FAM53B: variants seen among roughly 807,000 people sequenced by gnomAD.
FAM53B encodes the protein protein FAM53B.
In FAM53B, 12 loss-of-function variants were observed where a neutral mutation model predicts 32.7. The observed-to-expected ratio is 0.37, with a 90% CI of 0.24 to 0.59. The LOEUF is 0.59. Ranked by LOEUF, FAM53B falls within the 20% of genes least tolerant of loss-of-function variation. The pLI, the probability that FAM53B is intolerant of heterozygous loss-of-function variation, is 0.72. For synonymous variants in FAM53B, 234 were observed against 228.7 expected (o/e 1.02, Z -0.21); for missense variants, 477 against 577.7 (o/e 0.83, Z 1.79).
At chr10:124,662,055 C>A (rs1257977578) in intron 4 of FAM53B, among the ~76,000 whole-genome samples, 1 of 152,232 alleles carries the variant, frequency 6.6e-6, no homozygotes, top group Non-Finnish European at 1.5e-5. Context: ...CTCTAGCCCT[C>A]ACTGGACCAG....
At chr10:124,639,449 C>T (rs780613665) in intron 4 of FAM53B, among the ~76,000 whole-genome samples, 6 of 152,102 alleles carry the variant, frequency 3.9e-5, no homozygotes, top group Non-Finnish European at 7.4e-5. Flanking sequence ...TGGCCTTGGG[C>T]GGGTCATGGT....
chr10:124,687,511 G>A (rs1231378749), intron 3 of FAM53B, among the ~76,000 whole-genome samples: 1 of 152,198 alleles, frequency 6.6e-6, no homozygotes, highest in Non-Finnish European at 1.5e-5. Flanking sequence ...AAAAACAGCA[G>A]TCATCATAAG....
intron 2 of FAM53B, among the ~76,000 whole-genome samples, chr10:124,701,166 C>T (rs1949912868): frequency 6.6e-6 from 1 of 152,246 alleles, no homozygotes; most frequent in African/African-American, 2.4e-5. Context: ...CAGCCTGGGG[C>T]CTGCCAGAGA....
intron 4 of FAM53B, among the ~76,000 whole-genome samples, chr10:124,648,308 C>A (rs930882357): frequency 2.0e-5 from 3 of 152,348 alleles, no homozygotes; most frequent in African/African-American, 7.2e-5. Flanking sequence ...TGGAGAGGGA[C>A]AGATGGGCAG....
At chr10:124,705,163 T>A (rs1387695538) in intron 2 of FAM53B, among the ~76,000 whole-genome samples, 1 of 152,076 alleles carries the variant, frequency 6.6e-6, no homozygotes, top group Non-Finnish European at 1.5e-5. Context: ...CTGAGGCCCA[T>A]GAGCAGAGTG....
At chr10:124,728,954 T>C (rs1169468630) in intron 1 of FAM53B, among the ~76,000 whole-genome samples, 1 of 152,234 alleles carries the variant, frequency 6.6e-6, no homozygotes, top group African/African-American at 2.4e-5. Flanking sequence ...AGCCAGGCTC[T>C]AGCCCATCAC....
Position 124,623,523 on chromosome 10 carries a change from C to T in FAM53B, c.988G>A (p.Val330Ile), listed in dbSNP as rs769750195. The change falls in exon 5 of 5, where the codon GTC becomes ATC. Residue 330 changes from valine (V) to isoleucine (I), a missense_variant. By Grantham distance (29) the Val-to-Ile change is conservative (BLOSUM62 3). Coordinates refer to ENST00000337318, the MANE Select transcript of FAM53B (RefSeq NM_014661.4). ...GCGGTCCAGGCCCTGGTGTTGCTGA[C>T]GTGGCGGGCGAAGGGGCTCTGGGGA... ...CGPQSPFARH[V>I]SNTRAWTALL... 3.9e-6 allele frequency: 6 copies of T among 1,547,730 alleles called. No individual in the cohort carries two copies. Among genetic ancestry groups the T allele is most frequent in the South Asian group, 2.4e-5 (2 of 84,114 alleles).
chr10:124,721,153 G>T (rs1281908570), intron 1 of FAM53B, among the ~76,000 whole-genome samples: 2 of 152,200 alleles, frequency 1.3e-5, no homozygotes, highest in African/African-American at 4.8e-5. Context: ...AGTGAGTCTG[G>T]ATCATGCCGC....
chr10:124,687,072 C>T (rs188794685), intron 3 of FAM53B, among the ~76,000 whole-genome samples: 2 of 152,296 alleles, frequency 1.3e-5, no homozygotes, highest in Admixed American at 6.5e-5. Flanking sequence ...AAGTACAATA[C>T]GAGAAAAGTA....
chr10:124,699,815 G>A (rs180851577), intron 2 of FAM53B, among the ~76,000 whole-genome samples: 10 of 152,278 alleles, frequency 6.6e-5, no homozygotes, highest in African/African-American at 2.2e-4. Flanking sequence ...GGGCTGATCC[G>A]CCCAGGAAGG....
rs549409507 is a variant in FAM53B at position 124,651,887 on chromosome 10, A to G, written c.907-28283T>C. ...ACTGAGGGCGGTTCTCAACCCAGAC[A>G]GCCTTTGCTTGCTGGTTCCTTTATT... is the stretch of plus-strand genomic sequence containing the variant. On this transcript the variant is annotated intron_variant, in intron 4 of 4. Coordinates refer to ENST00000337318, the MANE Select transcript of FAM53B (RefSeq NM_014661.4). The surrounding 1 kb of genome is among the most constrained non-coding windows in gnomAD (Gnocchi z 5.2). 6.6e-6 allele frequency among the ~76,000 whole-genome samples: 1 copy of G among 152,362 alleles called. No homozygotes were observed. The highest frequency in any genetic ancestry group is 2.1e-4 in the South Asian group (1 of 4,832).
At position 124,681,982 on chromosome 10, in the gene FAM53B, G is replaced by C. The variant is rs768928982; in HGVS notation, c.531C>G (p.Leu177=). 8 of 1,614,096 alleles carry C rather than the reference G, an allele frequency of 5.0e-6. No homozygotes were observed. In the South Asian group the frequency reaches 7.7e-5, roughly 16 times the overall value. The change falls in exon 4 of 5, where the codon CTC becomes CTG. Residue 177 remains leucine, a synonymous_variant. Transcript: ENST00000337318. ...GTCCTGCCTGGTCGCAGGGTGAGGA[G>C]AGCACGTTGGCCCGGGAAGGGAGGC... The part of the protein sequence containing the change: ...SFSLPSRANV[L]SSPCDQAGLH...
intron 4 of FAM53B, among the ~76,000 whole-genome samples, chr10:124,640,842 G>A (rs957731161): frequency 6.6e-6 from 1 of 152,176 alleles, no homozygotes; most frequent in Non-Finnish European, 1.5e-5. Flanking sequence ...GAGAGGAGGA[G>A]GAAAAAGACA....
chr10:124,709,280 G>T (rs1949983633), intron 1 of FAM53B, among the ~76,000 whole-genome samples: 1 of 152,234 alleles, frequency 6.6e-6, no homozygotes, highest in African/African-American at 2.4e-5. Flanking sequence ...TGTCGCCATG[G>T]GAACACATTA....
intron 4 of FAM53B, among the ~76,000 whole-genome samples, chr10:124,626,694 C>T (rs1167637124): frequency 7.3e-5 from 11 of 151,542 alleles, no homozygotes; most frequent in Non-Finnish European, 1.5e-4. Context: ...CAAAGTAAGA[C>T]ACTTTATGCA....
intron 4 of FAM53B, among the ~76,000 whole-genome samples, chr10:124,631,560 T>C (rs2134038540): frequency 6.6e-6 from 1 of 152,260 alleles, no homozygotes; most frequent in South Asian, 2.1e-4. Context: ...TGGGGAGTTG[T>C]CAAGTTCACC....
intron 4 of FAM53B, among the ~76,000 whole-genome samples, chr10:124,681,220 T>A (rs1302768447): frequency 6.6e-6 from 1 of 152,172 alleles, no homozygotes. Flanking sequence ...CAAGGGACAC[T>A]GAACCCCAGT....
Position 124,696,731 on chromosome 10 carries a change from C to G in FAM53B, c.79-519G>C, listed in dbSNP as rs184523704. 2.0e-5 allele frequency among the ~76,000 whole-genome samples: 3 copies of G among 152,312 alleles called. No homozygotes were observed. In the East Asian group the frequency reaches 5.8e-4, roughly 29 times the overall value. Reference sequence around the variant, plus strand: ...GGGGAGAGCTCGGAAGGGCTGGCGTCTGCTCTGCAGACTGTTTTGTGGCTA... The same window carrying G: ...GGGGAGAGCTCGGAAGGGCTGGCGTGTGCTCTGCAGACTGTTTTGTGGCTA... On this transcript the variant is annotated intron_variant, in intron 2 of 4. Transcript: ENST00000337318.
intron 4 of FAM53B, among the ~76,000 whole-genome samples, chr10:124,625,775 C>T (rs915717562): frequency 1.3e-5 from 2 of 152,216 alleles, no homozygotes; most frequent in Non-Finnish European, 2.9e-5. Flanking sequence ...AAAACAGGGG[C>T]AAGATGGCCC....
Sources: allele counts gnomAD v4.1 joint callset (sites outside exome capture counted in the v4.1 genomes callset), GRCh38; gene constraint gnomAD v4.1.1; non-coding constraint Gnocchi (gnomAD v3.1); transcripts MANE v1.5; gene names NCBI Gene and HGNC (gene_info 2026-07-23, HGNC 2026-07-21).